The following VAV1 variants were observed in gnomAD, a reference collection of about 807,000 sequenced individuals.
VAV1 encodes proto-oncogene vav.
In VAV1, 33 loss-of-function variants were observed where a neutral mutation model predicts 128.1. The ratio of observed to expected loss-of-function variants is 0.26; its 90% confidence interval spans 0.20 to 0.34. The LOEUF is 0.34. Ranked by LOEUF, VAV1 falls within the 10% of genes least tolerant of loss-of-function variation. The pLI, the probability that VAV1 is intolerant of heterozygous loss-of-function variation, is 1.00. For synonymous variants in VAV1, 394 were observed against 409.8 expected (o/e 0.96, Z 0.47); for missense variants, 715 against 1,093.7 (o/e 0.65, Z 4.88).
At position 6,825,228 on chromosome 19, in the gene VAV1, G is replaced by T. The variant is rs1051971593; in HGVS notation, c.724-75G>T. On this transcript the variant is annotated intron_variant, in intron 7 of 26. Coordinates refer to ENST00000602142, the MANE Select transcript of VAV1 (RefSeq NM_005428.4). ...GTTGGGAGTTGAGCGGCATGGGGCGGGTGGATGACCCTTTCCTTCCTGGCC... is the reference window on the plus strand; with the variant it reads ...GTTGGGAGTTGAGCGGCATGGGGCGTGTGGATGACCCTTTCCTTCCTGGCC... 2.5e-6 allele frequency: 4 copies of T among 1,576,232 alleles called. No individual in the cohort carries two copies. The African/African-American group carries it at 4.1e-5, about 16-fold the overall frequency.
rs183360274 is a variant in VAV1 at position 6,822,200 on chromosome 19, C to T, written c.450-21C>T. 2.0e-4 allele frequency: 311 copies of T among 1,560,886 alleles called. 1 individual carries two copies. Among genetic ancestry groups the T allele is most frequent in the Middle Eastern group, 8.5e-4 (4 of 4,706 alleles). ...GTGATCTGGGAGAGGTCCAAGGGATCCCTGACCTCACAACCCACAGCGACA... is the reference window on the plus strand; with the variant it reads ...GTGATCTGGGAGAGGTCCAAGGGATTCCTGACCTCACAACCCACAGCGACA... On this transcript the variant is annotated intron_variant, in intron 4 of 26. Transcript: ENST00000602142. This position sits in a 1 kb window ranked among gnomAD's most constrained non-coding sequence, Gnocchi z 5.9.
chr19:6,801,431 A>AG (rs1971265470), intron 1 of VAV1, among the ~76,000 whole-genome samples: 1 of 151,730 alleles, frequency 6.6e-6, no homozygotes. Flanking sequence ...CTGGGGTGGT[A>AG]GGGGATGGGG....
At chr19:6,829,738 G>A (rs1431404655) in intron 13 of VAV1, 48 bp from the exon 14 acceptor site, 1 of 1,608,028 alleles carries the variant, frequency 6.2e-7, no homozygotes, top group Admixed American at 1.7e-5. Context: ...AGGGCTGATG[G>A]GGACAGTTGG....
At chr19:6,809,212 T>A (rs914910803) in intron 1 of VAV1, among the ~76,000 whole-genome samples, 26 of 152,036 alleles carry the variant, frequency 1.7e-4, no homozygotes, top group Admixed American at 1.6e-3. Flanking sequence ...TAGCTGGAAC[T>A]ATAGGCATGT....
chr19:6,787,424 G>T (rs373926059), intron 1 of VAV1, among the ~76,000 whole-genome samples: 4 of 152,008 alleles, frequency 2.6e-5, no homozygotes, highest in African/African-American at 9.6e-5. Context: ...AATCTTCCCC[G>T]CCTTGGCCTC....
intron 1 of VAV1, among the ~76,000 whole-genome samples, chr19:6,795,976 C>T (rs1191329976): frequency 6.6e-6 from 1 of 152,160 alleles, no homozygotes; most frequent in African/African-American, 2.4e-5. Flanking sequence ...AGCCACCGCA[C>T]CCGGCTAGTC....
chr19:6,814,270 GT>G (rs1402128466), intron 1 of VAV1, among the ~76,000 whole-genome samples: 1 of 152,058 alleles, frequency 6.6e-6, no homozygotes, highest in Non-Finnish European at 1.5e-5. Flanking sequence ...CATTCAATCA[GT>G]TCTAGCAACT....
chr19:6,794,126 G>A (rs539091415), intron 1 of VAV1, among the ~76,000 whole-genome samples: 6 of 151,696 alleles, frequency 4.0e-5, no homozygotes, highest in Admixed American at 2.0e-4. Flanking sequence ...ATAAATCAAC[G>A]GTAAATGATT....
intron 1 of VAV1, among the ~76,000 whole-genome samples, chr19:6,791,934 G>A (rs963345148): frequency 6.6e-6 from 1 of 151,944 alleles, no homozygotes; most frequent in Non-Finnish European, 1.5e-5. Flanking sequence ...GGAGTGAGTG[G>A]AGGGAGAGTG....
At chr19:6,787,980 G>A (rs1209426222) in intron 1 of VAV1, among the ~76,000 whole-genome samples, 2 of 152,070 alleles carry the variant, frequency 1.3e-5, no homozygotes, top group African/African-American at 4.8e-5. Flanking sequence ...GGGAGGCTGA[G>A]GCAGGAGAAT....
Position 6,779,968 on chromosome 19 carries a change from G to A in VAV1, c.204+6957G>A, listed in dbSNP as rs537195940. Among the ~76,000 whole-genome samples, 673 of 148,950 alleles carry A rather than the reference G, an allele frequency of 4.5e-3. 9 individuals carry two copies. The highest frequency in any genetic ancestry group is 0.016 in the African/African-American group (643 of 40,926). ...CTACTAAAAATACAAAAAATTAGCC[G>A]GGCGTGGTTGCGGGCGCCTGTAGTC... On this transcript the variant is annotated intron_variant, in intron 1 of 26. Coordinates refer to ENST00000602142, the MANE Select transcript of VAV1 (RefSeq NM_005428.4).
chr19:6,848,221 C>A, intron 23 of VAV1, 107 bp downstream of exon 23: 2 of 976,918 alleles, frequency 2.0e-6, no homozygotes, highest in Non-Finnish European at 2.9e-6. Context: ...TAATAGCATC[C>A]ACCTTTTACT....
At chr19:6,847,946 G>T in intron 22 of VAV1, 52 bp from the exon 23 acceptor site, 3 of 1,422,744 alleles carry the variant, frequency 2.1e-6, no homozygotes, top group South Asian at 1.6e-5. Flanking sequence ...TGGCAATATG[G>T]GGACCCAGGC....
At position 6,777,963 on chromosome 19, in the gene VAV1, G is replaced by T. The variant is rs1468591390; in HGVS notation, c.204+4952G>T. On this transcript the variant is annotated intron_variant, in intron 1 of 26. Transcript: ENST00000602142. The surrounding 1 kb of genome is among the most constrained non-coding windows in gnomAD (Gnocchi z 4.4). The stretch of plus-strand genomic sequence containing the variant: ...TTACAGGCGCCTGCCACCACGCCTG[G>T]CTAATTTCTGTTGCCCAGGCTGGAG... 5.1e-4 allele frequency among the ~76,000 whole-genome samples: 77 copies of T among 152,044 alleles called. 1 individual carries two copies.
At chr19:6,783,878 G>C (rs1970827033) in intron 1 of VAV1, among the ~76,000 whole-genome samples, 1 of 152,096 alleles carries the variant, frequency 6.6e-6, no homozygotes, top group African/African-American at 2.4e-5. Flanking sequence ...AGGTTGGTTG[G>C]ACGCAAAGAA....
intron 6 of VAV1, among the ~76,000 whole-genome samples, chr19:6,824,593 G>A (rs1283347903): frequency 2.0e-5 from 3 of 151,824 alleles, no homozygotes; most frequent in African/African-American, 2.4e-5. Context: ...GTGCAGTGGC[G>A]TGATCTCAGC....
In VAV1 at chr19:6,822,386, C is replaced by T. The variant is rs1311842594; in HGVS notation, c.559-33C>T. 30 of 1,552,568 alleles carry T rather than the reference C, an allele frequency of 1.9e-5. No individual in the cohort carries two copies. The highest frequency in any genetic ancestry group is 2.4e-5 in the Non-Finnish European group (28 of 1,149,298). ...GGCGTGGGCGGGGGGCAGCCCCAGG[C>T]CCCCCAACACCGGCCTCTCCCCTCG... On this transcript the variant is annotated intron_variant, in intron 5 of 26. Transcript: ENST00000602142. This position sits in a 1 kb window ranked among gnomAD's most constrained non-coding sequence, Gnocchi z 5.9.
intron 1 of VAV1, among the ~76,000 whole-genome samples, chr19:6,804,977 C>T (rs1040063660): frequency 6.6e-6 from 1 of 150,996 alleles, no homozygotes; most frequent in Non-Finnish European, 1.5e-5. Flanking sequence ...GTGAACCACC[C>T]GCCTCAGCCT....
chr19:6,833,805 C>A, intron 18 of VAV1, 72 bp downstream of exon 18: 1 of 1,613,564 alleles, frequency 6.2e-7, no homozygotes, highest in Non-Finnish European at 8.5e-7. Context: ...CCCAGGACAT[C>A]CTGGAACTGG....
Sources: gnomAD v4.1 joint callset for allele counts (sites outside exome capture counted in the v4.1 genomes callset) on GRCh38, gnomAD v4.1.1 for gene constraint, Gnocchi (gnomAD v3.1) non-coding constraint, MANE v1.5 for transcripts, NCBI Gene and HGNC (gene_info 2026-07-23, HGNC 2026-07-21) for gene names.